GPT2: variants seen among roughly 807,000 people sequenced by gnomAD.
GPT2 encodes alanine aminotransferase 2.
GPT2 carries 30 observed loss-of-function variants against 56.9 expected under a neutral mutation model. The ratio of observed to expected loss-of-function variants is 0.53; its 90% CI spans 0.39 to 0.72. The LOEUF (loss-of-function observed/expected upper bound fraction) is 0.72, where lower values mean the gene tolerates loss of function less well. Ranked by LOEUF, GPT2 falls within the 30% of genes least tolerant of loss-of-function variation. GPT2 has a pLI of 0.00. For synonymous variants in GPT2, 271 were observed against 283.1 expected (o/e 0.96, Z 0.43); for missense variants, 542 against 703.4 (o/e 0.77, Z 2.60).
chr16:46,898,931 T>TCAC (rs1960747156), intron 3 of GPT2, among the ~76,000 whole-genome samples: 1 of 132,432 alleles, frequency 7.6e-6, no homozygotes, highest in Non-Finnish European at 1.6e-5. Context: ...TATATATGTG[T>TCAC]ATATATATAC....
chr16:46,929,154 T>A lies in GPT2; in HGVS notation c.*157T>A. ...CCTGGAGACGTCTTTCTTTGTGCCT[T>A]GATGTTGAGAGCGCCTCTCTTTTGA... is the stretch of plus-strand genomic sequence containing the variant. On this transcript the variant is annotated 3_prime_UTR_variant, in exon 12 of 12. Coordinates refer to ENST00000340124, the MANE Select transcript of GPT2 (RefSeq NM_133443.4). 1.6e-6 allele frequency: 1 copy of A among 628,320 alleles called. No homozygotes were observed. 38.9% of individuals were successfully genotyped at this position (628,320 alleles called of 1,614,324 possible). A position where few individuals can be genotyped will look rare whatever the true frequency, so the allele number is the denominator to read the frequency against.
chr16:46,889,367 C>T (rs1159813971), intron 2 of GPT2, among the ~76,000 whole-genome samples: 5 of 151,090 alleles, frequency 3.3e-5, no homozygotes, highest in African/African-American at 7.3e-5. Context: ...AAGTGATCCT[C>T]CTGCCTCAGC....
rs1961159912 is a variant in GPT2, at chr16:46,916,283, T to C, written c.821-345T>C. ...ATGGCATGAACTCGGGAGGCGGAGCTTGCAGTGAGCCGAGATTGTGCCACT... is the reference window on the plus strand; with the variant it reads ...ATGGCATGAACTCGGGAGGCGGAGCCTGCAGTGAGCCGAGATTGTGCCACT... On this transcript the variant is annotated intron_variant, in intron 6 of 11. Coordinates refer to ENST00000340124, the MANE Select transcript of GPT2 (RefSeq NM_133443.4). 4 of 175,912 alleles carry C rather than the reference T, an allele frequency of 2.3e-5. No individual in the cohort carries two copies. In the South Asian group the frequency reaches 5.5e-4, roughly 24 times the overall value. 10.9% of individuals were successfully genotyped at this position (175,912 alleles called of 1,614,324 possible).
In GPT2 at chr16:46,923,476, T is replaced by G. The variant is rs368967073; in HGVS notation, c.1213-913T>G. ...CCGTTTAAAAACAAAAAAAGTAGAGTCATGTCTTATTTGTCTTTTTGTGAC... is the reference window on the plus strand; with the variant it reads ...CCGTTTAAAAACAAAAAAAGTAGAGGCATGTCTTATTTGTCTTTTTGTGAC... On this transcript the variant is annotated intron_variant, in intron 9 of 11. Transcript: ENST00000340124. Among the ~76,000 whole-genome samples the G allele has an allele frequency of 3.3e-5, 5 of 151,922 alleles. No individual in the cohort carries two copies. The East Asian group carries it at 5.8e-4, about 18-fold the overall frequency.
At position 46,887,341 on chromosome 16, in the gene GPT2, G is replaced by T. The variant is rs146205633; in HGVS notation, c.243+2383G>T. On this transcript the variant is annotated intron_variant, in intron 2 of 11. Transcript: ENST00000340124. Reference sequence around the variant, plus strand: ...AAATTAGCCGGGCATGGTGGTACACGCTTGTAACTCCAGCTACTCGGCAGG... The same window carrying T: ...AAATTAGCCGGGCATGGTGGTACACTCTTGTAACTCCAGCTACTCGGCAGG... Among the ~76,000 whole-genome samples the T allele has an allele frequency of 7.5e-3, 1,137 of 152,246 alleles. 15 individuals are homozygous for T. The highest frequency in any genetic ancestry group is 0.026 in the African/African-American group (1,065 of 41,548).
intron 3 of GPT2, among the ~76,000 whole-genome samples, chr16:46,899,555 A>C (rs118135459): frequency 3.3e-5 from 5 of 152,150 alleles, no homozygotes; most frequent in African/African-American, 1.2e-4. Context: ...CCTCCCTCCC[A>C]CAGCCACTGC....
chr16:46,908,303 G>C (rs1003124418), intron 5 of GPT2, among the ~76,000 whole-genome samples: 2 of 151,038 alleles, frequency 1.3e-5, no homozygotes, highest in Non-Finnish European at 3.0e-5. Context: ...TGGGGGACTG[G>C]TGGGGCCTGC....
rs771321276 is a variant in GPT2, at chr16:46,924,263, CAT to C, written c.1213-125_1213-124del. 42 of 1,007,246 alleles carry C rather than the reference CAT, an allele frequency of 4.2e-5. No homozygotes were observed. In the South Asian group the frequency reaches 5.5e-4, roughly 13 times the overall value. 62.4% of individuals were successfully genotyped at this position (1,007,246 alleles called of 1,614,324 possible). On this transcript the variant is annotated intron_variant, in intron 9 of 11. Coordinates refer to ENST00000340124, the MANE Select transcript of GPT2 (RefSeq NM_133443.4). ...GAGTCAACGCATGGGTCAGAGGGGA[CAT>C]GTGTTCAAAGCTGGAGCAAAGTCAT...
chr16:46,905,328 C>T (rs141949753), intron 4 of GPT2, among the ~76,000 whole-genome samples: 7 of 152,160 alleles, frequency 4.6e-5, no homozygotes, highest in Admixed American at 2.0e-4. Context: ...GGAGTAGAGG[C>T]GTGAACCACT....
At chr16:46,921,945 G>C (rs1961295020) in intron 8 of GPT2, among the ~76,000 whole-genome samples, 1 of 152,190 alleles carries the variant, frequency 6.6e-6, no homozygotes, top group Non-Finnish European at 1.5e-5. Flanking sequence ...TACAGTCCCA[G>C]CTATTTGTGA....
chr16:46,906,552 A>G (rs1960930151), intron 4 of GPT2, among the ~76,000 whole-genome samples: 1 of 152,166 alleles, frequency 6.6e-6, no homozygotes, highest in Admixed American at 6.5e-5. Flanking sequence ...CAGGGCCTAG[A>G]ATAATGTGTA....
At chr16:46,926,158 C>T (rs1462976717) in intron 10 of GPT2, among the ~76,000 whole-genome samples, 2 of 145,892 alleles carry the variant, frequency 1.4e-5, no homozygotes, top group African/African-American at 2.5e-5. Flanking sequence ...AAAAGGAATC[C>T]GTGGTGTAGT....
intron 2 of GPT2, among the ~76,000 whole-genome samples, chr16:46,896,091 TC>T (rs1960680902): frequency 6.6e-6 from 1 of 152,204 alleles, no homozygotes; most frequent in Admixed American, 6.5e-5. Flanking sequence ...GTGACCTTGT[TC>T]CTGGGCCGGC....
At chr16:46,921,132 G>A (rs1315038520) in intron 8 of GPT2, among the ~76,000 whole-genome samples, 1 of 152,160 alleles carries the variant, frequency 6.6e-6, no homozygotes, top group African/African-American at 2.4e-5. Context: ...TGCCAGTTCC[G>A]TTCAGCAGTG....
chr16:46,899,505 G>A (rs4966710), intron 3 of GPT2, among the ~76,000 whole-genome samples: 14,767 of 152,214 alleles, frequency 0.097, 845 homozygotes, highest in Non-Finnish European at 0.13. Context: ...GTGAGGGAGA[G>A]GAGCTGAGGC....
At chr16:46,907,536 G>C (rs1003418320) in intron 5 of GPT2, among the ~76,000 whole-genome samples, 1 of 152,208 alleles carries the variant, frequency 6.6e-6, no homozygotes, top group African/African-American at 2.4e-5. Flanking sequence ...ACTGGGAGAG[G>C]GGGTGTGCTC....
Position 46,900,740 on chromosome 16 carries a change from C to G in GPT2, c.392C>G (p.Ala131Gly). ...GACAGCCCCAGCTTCCCAGAAGATG[C>G]TAAGAAACGTGCCCGGCGGATCCTG... Reference protein sequence around the residue: ...LLDSPSFPEDAKKRARRILQA... With the variant: ...LLDSPSFPEDGKKRARRILQA... Residue 131 changes from alanine (A) to glycine (G), a missense_variant, in exon 4 of 12, where the codon GCT (alanine) becomes GGT (glycine). Physicochemically the swap from Ala to Gly is moderately conservative, Grantham distance 60 (BLOSUM62 0). Transcript: ENST00000340124. 6.2e-7 allele frequency: 1 copy of G among 1,614,134 alleles called. No individual in the cohort carries two copies. Among genetic ancestry groups the G allele is most frequent in the Non-Finnish European group, 8.5e-7 (1 of 1,179,970 alleles).
At chr16:46,921,703 G>A (rs1207076648) in intron 8 of GPT2, among the ~76,000 whole-genome samples, 1 of 152,082 alleles carries the variant, frequency 6.6e-6, no homozygotes, top group Non-Finnish European at 1.5e-5. Flanking sequence ...ATTTTCATAT[G>A]ATTTGATTTA....
intron 8 of GPT2, among the ~76,000 whole-genome samples, chr16:46,920,436 G>T (rs1530895): frequency 0.99 from 151,035 of 152,360 alleles, 74,869 homozygotes; most frequent in Middle Eastern, 1. Context: ...CATCTCATAC[G>T]TACATGGAGT....
Sources: allele counts gnomAD v4.1 joint callset (sites outside exome capture counted in the v4.1 genomes callset), GRCh38; gene constraint gnomAD v4.1.1; transcripts MANE v1.5; gene names NCBI Gene and HGNC (gene_info 2026-07-23, HGNC 2026-07-21).